Variants in VIRMA observed in about 807,000 individuals in gnomAD.
The protein encoded by VIRMA is protein virilizer homolog.
A neutral mutation model predicts 182.4 loss-of-function variants in VIRMA; 65 were observed. The observed-to-expected ratio is 0.36, with a 90% CI of 0.29 to 0.44. The LOEUF is 0.44. VIRMA is among the 20% of genes least tolerant of loss of function. VIRMA has a pLI of 1.00. For missense variants in VIRMA, 1,752 were observed against 2,158.1 expected, an observed-to-expected ratio of 0.81 and a Z score of 3.73; for synonymous variants, 709 against 743.1, an observed-to-expected ratio of 0.95 and a Z score of 0.75.
chr8:94,536,497 T>C (rs1212376501), intron 4 of VIRMA, among the ~76,000 whole-genome samples: 1 of 152,228 alleles, frequency 6.6e-6, no homozygotes, highest in Non-Finnish European at 1.5e-5. Context: ...GGCACAGTAG[T>C]GTCTAATAAC....
chr8:94,516,208 A>C (rs1814557761), intron 10 of VIRMA, among the ~76,000 whole-genome samples: 1 of 152,202 alleles, frequency 6.6e-6, no homozygotes, highest in Admixed American at 6.5e-5. Flanking sequence ...CACCCAAAAA[A>C]AGTATAAACA....
At chr8:94,516,579 T>C (rs577586501) in intron 10 of VIRMA, among the ~76,000 whole-genome samples, 89 of 152,138 alleles carry the variant, frequency 5.8e-4, no homozygotes, top group African/African-American at 2.0e-3. Flanking sequence ...CCACCAGAAT[T>C]ACAGCTGTAC....
intron 8 of VIRMA, among the ~76,000 whole-genome samples, 167 bp downstream of exon 8, chr8:94,526,056 C>T (rs369238590): frequency 2.5e-4 from 38 of 152,322 alleles, no homozygotes; most frequent in African/African-American, 8.4e-4. Context: ...TAAGCTCACC[C>T]ACAGTAACAT....
intron 9 of VIRMA, 58 bp from the exon 10 acceptor site, chr8:94,518,000 T>C: frequency 7.2e-7 from 1 of 1,383,256 alleles, no homozygotes; most frequent in Non-Finnish European, 1.0e-6. Flanking sequence ...TAGGAACAAT[T>C]TTTAAAAATT....
intron 8 of VIRMA, among the ~76,000 whole-genome samples, chr8:94,521,034 T>G (rs1814743361): frequency 9.2e-6 from 1 of 108,494 alleles, no homozygotes; most frequent in South Asian, 2.9e-4. Context: ...AAATCTACTT[T>G]TTTATCTCTT....
chr8:94,492,187 A>C (rs1004323954), intron 21 of VIRMA, among the ~76,000 whole-genome samples: 1 of 152,202 alleles, frequency 6.6e-6, no homozygotes, highest in Admixed American at 6.5e-5. Flanking sequence ...TACTGGGTAT[A>C]TCCTGGCCAA....
intron 10 of VIRMA, 46 bp downstream of exon 10, chr8:94,517,742 T>C (rs763507206): frequency 2.6e-5 from 36 of 1,382,204 alleles, no homozygotes; most frequent in Non-Finnish European, 3.4e-5. Flanking sequence ...CAAAGGTTTG[T>C]TCCTTCACAT....
chr8:94,543,546 G>A (rs1220599214), intron 2 of VIRMA, among the ~76,000 whole-genome samples: 3 of 150,470 alleles, frequency 2.0e-5, no homozygotes, highest in Non-Finnish European at 4.4e-5. Context: ...ACCACCCCAG[G>A]ATATTTTAGA....
chr8:94,550,907 C>T (rs1173172178), intron 1 of VIRMA, among the ~76,000 whole-genome samples: 2 of 151,930 alleles, frequency 1.3e-5, no homozygotes, highest in African/African-American at 2.4e-5. Flanking sequence ...TTAGTAGAGA[C>T]GGGGTTTCAC....
chr8:94,543,982 C>T (rs766959795), intron 1 of VIRMA, 40 bp from the exon 2 acceptor site: 2 of 1,011,126 alleles, frequency 2.0e-6, no homozygotes, highest in South Asian at 2.7e-5. Context: ...GGGTTCGGAA[C>T]ATTATGTAAA....
At chr8:94,553,359 G>T (rs367577929) in intron 1 of VIRMA, 26 bp downstream of exon 1, 20 of 1,609,694 alleles carry the variant, frequency 1.2e-5, no homozygotes, top group Non-Finnish European at 1.7e-5. Flanking sequence ...AAGAAGCAGC[G>T]TCAGAATCAA....
At position 94,529,315 on chromosome 8, in the gene VIRMA, G is replaced by A. The variant is rs1815079989; in HGVS notation, c.635C>T (p.Pro212Leu). The change falls in exon 7 of 24, where the codon CCT becomes CTT. Residue 212 changes from proline (P) to leucine (L), a missense_variant. Pro to Leu is a moderately conservative substitution (Grantham distance 98). This residue lies in a region of VIRMA where 114 missense variants were observed against 106.9 expected (regional missense o/e 1.07). Coordinates refer to ENST00000297591, the MANE Select transcript of VIRMA (RefSeq NM_015496.5). ...PVSGDKEEDA[P>L]HREDYFEPIS... ...GGGCTCAAAGTAATCTTCTCTATGA[G>A]GAGCATCCTCTTCCTTGTCACCAGA... The A allele has an allele frequency of 6.2e-7, 1 of 1,611,452 alleles. No homozygotes were observed. The highest frequency in any genetic ancestry group is 8.5e-7 in the Non-Finnish European group (1 of 1,177,696).
intron 16 of VIRMA, 45 bp downstream of exon 16, chr8:94,506,455 G>A: frequency 7.8e-7 from 1 of 1,283,486 alleles, no homozygotes; most frequent in Non-Finnish European, 1.1e-6. Context: ...GTGACAGAAT[G>A]AAAAAATTAA....
chr8:94,495,675 A>T, intron 19 of VIRMA, 56 bp downstream of exon 19: 1 of 1,509,892 alleles, frequency 6.6e-7, no homozygotes, highest in Non-Finnish European at 9.1e-7. Flanking sequence ...CACCCCCTAG[A>T]CTACAGCCAT....
At chr8:94,507,657 G>A (rs1219047282) in intron 15 of VIRMA, among the ~76,000 whole-genome samples, 1 of 151,890 alleles carries the variant, frequency 6.6e-6, no homozygotes, top group Non-Finnish European at 1.5e-5. Context: ...GGGAGGCTGA[G>A]GCAGAAGAAT....
chr8:94,500,294 G>A (rs893717473), intron 16 of VIRMA, among the ~76,000 whole-genome samples: 1 of 152,168 alleles, frequency 6.6e-6, no homozygotes, highest in African/African-American at 2.4e-5. Flanking sequence ...AGCTACTGGG[G>A]AGGCTGAGGC....
In VIRMA at chr8:94,495,961, C is replaced by T. The variant is rs774170277; in HGVS notation, c.4384-70G>A. 1.8e-5 allele frequency: 25 copies of T among 1,356,682 alleles called. 1 individual carries two copies. The highest frequency in any genetic ancestry group is 1.8e-4 in the Middle Eastern group (1 of 5,428). The allele number at this position is 1,356,682 out of a possible 1,614,324, so 84.0% of individuals were successfully genotyped here. ...ATGTCTGTAAACCTACTGACTCTTT[C>T]GTAGAAAAGGCTATATGTATTATTA... On this transcript the variant is annotated intron_variant, in intron 18 of 23. Transcript: ENST00000297591.
At chr8:94,519,703 T>G (rs1814695122) in intron 8 of VIRMA, among the ~76,000 whole-genome samples, 1 of 152,216 alleles carries the variant, frequency 6.6e-6, no homozygotes. Flanking sequence ...CAACAGATGT[T>G]AAATAAATAA....
chr8:94,540,273 C>A (rs1342994960), intron 2 of VIRMA, among the ~76,000 whole-genome samples: 1 of 151,702 alleles, frequency 6.6e-6, no homozygotes, highest in East Asian at 1.9e-4. Context: ...TATTAGAAAT[C>A]ATAAAATCAA....
Sources: gnomAD v4.1 joint callset for allele counts (sites outside exome capture counted in the v4.1 genomes callset) on GRCh38, gnomAD v4.1.1 for gene constraint, gnomAD v4.1.1 regional missense constraint, MANE v1.5 for transcripts, NCBI Gene and HGNC (gene_info 2026-07-23, HGNC 2026-07-21) for gene names.